ITPR2: variants seen among roughly 807,000 people sequenced by gnomAD.
ITPR2 encodes the protein inositol 1,4,5-trisphosphate-gated calcium channel ITPR2.
ITPR2 carries 207 observed loss-of-function variants against 317.1 expected under a neutral mutation model. The ratio of observed to expected loss-of-function variants is 0.65; its 90% CI spans 0.58 to 0.73. ITPR2 has a LOEUF of 0.73. ITPR2 is among the 30% of genes least tolerant of loss of function. The pLI is 0.00. For missense variants in ITPR2, 2,613 were observed against 3,284.0 expected (o/e 0.80, Z 4.99); for synonymous variants, 1,156 against 1,149.1 (o/e 1.01, Z -0.12).
At chr12:26,776,815 T>C (rs550764212) in intron 2 of ITPR2, among the ~76,000 whole-genome samples, 1 of 152,288 alleles carries the variant, frequency 6.6e-6, no homozygotes, top group African/African-American at 2.4e-5. Flanking sequence ...ATGTTGATTC[T>C]CCTCAGGAGC....
At chr12:26,801,592 T>A (rs756809841) in intron 1 of ITPR2, among the ~76,000 whole-genome samples, 3 of 152,136 alleles carry the variant, frequency 2.0e-5, no homozygotes, top group Non-Finnish European at 2.9e-5. Flanking sequence ...TTAAAATAGA[T>A]CCCTCTGGGT....
rs1283662394 is a variant in ITPR2, at chr12:26,554,656, G to A, written c.4964+1577C>T. 2.0e-5 allele frequency among the ~76,000 whole-genome samples: 3 copies of A among 152,248 alleles called. No homozygotes were observed. In the South Asian group the frequency reaches 6.2e-4, roughly 32 times the overall value. On this transcript the variant is annotated intron_variant, in intron 36 of 56. Coordinates refer to ENST00000381340, the MANE Select transcript of ITPR2 (RefSeq NM_002223.4). Reference sequence around the variant, plus strand: ...GTCACATCTCGGGGATATAGCTATTGTATTATGTTAATTTACTGAATTTAA... The same window carrying A: ...GTCACATCTCGGGGATATAGCTATTATATTATGTTAATTTACTGAATTTAA...
chr12:26,411,518 C>T, intron 51 of ITPR2, 106 bp from the exon 52 acceptor site: 2 of 717,982 alleles, frequency 2.8e-6, no homozygotes, highest in Non-Finnish European at 2.3e-6. Flanking sequence ...CATACTCCAA[C>T]TTAGCTGTGT....
At chr12:26,509,975 TGTGTG>T (rs1943289976) in intron 37 of ITPR2, among the ~76,000 whole-genome samples, 1 of 106,066 alleles carries the variant, frequency 9.4e-6, no homozygotes, top group African/African-American at 3.4e-5. Flanking sequence ...TGTGTGTGTG[TGTGTG>T]TGTGTGTGTG....
chr12:26,432,826 C>T (rs1244335462), intron 48 of ITPR2, among the ~76,000 whole-genome samples: 1 of 152,084 alleles, frequency 6.6e-6, no homozygotes, highest in Non-Finnish European at 1.5e-5. Context: ...CAAGTTGGAT[C>T]CTGGGTTTTC....
At chr12:26,416,265 A>G (rs1940717028) in intron 50 of ITPR2, among the ~76,000 whole-genome samples, 1 of 152,190 alleles carries the variant, frequency 6.6e-6, no homozygotes, top group Non-Finnish European at 1.5e-5. Flanking sequence ...CTGTGTAGAC[A>G]CTAAGGACAA....
chr12:26,699,455 G>C (rs958927958), intron 9 of ITPR2, among the ~76,000 whole-genome samples: 2 of 152,156 alleles, frequency 1.3e-5, no homozygotes, highest in African/African-American at 2.4e-5. Context: ...ATGAGAAAAA[G>C]ACTATGACTA....
intron 54 of ITPR2, among the ~76,000 whole-genome samples, chr12:26,398,265 A>G (rs1296609291): frequency 2.0e-5 from 3 of 152,130 alleles, no homozygotes; most frequent in Admixed American, 6.5e-5. Flanking sequence ...TCTACTGAAA[A>G]TACAAAAATT....
chr12:26,778,081 T>A (rs1950008753), intron 2 of ITPR2, among the ~76,000 whole-genome samples: 1 of 152,306 alleles, frequency 6.6e-6, no homozygotes, highest in African/African-American at 2.4e-5. Flanking sequence ...AGTCATCCTA[T>A]GGTCATTTTC....
chr12:26,572,402 T>A (rs996923749), intron 34 of ITPR2, among the ~76,000 whole-genome samples: 1 of 152,212 alleles, frequency 6.6e-6, no homozygotes, highest in African/African-American at 2.4e-5. Flanking sequence ...GGGCCTAGTT[T>A]GGCACGATGT....
intron 55 of ITPR2, among the ~76,000 whole-genome samples, chr12:26,386,607 G>A (rs1003274365): frequency 6.6e-6 from 1 of 150,802 alleles, no homozygotes; most frequent in Non-Finnish European, 1.5e-5. Flanking sequence ...TAGCAAGGAG[G>A]ATCATGAGTC....
At position 26,578,849 on chromosome 12, in the gene ITPR2, A is replaced by G; in HGVS notation, c.4510-16T>C. 1 of 1,593,834 alleles carries G rather than the reference A, an allele frequency of 6.3e-7. No homozygotes were observed. Among genetic ancestry groups the G allele is most frequent in the East Asian group, 2.2e-5 (1 of 44,578 alleles). On this transcript the variant is annotated splice_polypyrimidine_tract_variant and intron_variant, in intron 33 of 56. Transcript: ENST00000381340. ...GCTGATGTGTCTAAAACCAGAAAGAAGGTAGGCAAAAAGAGATGCTAAACC... is the reference window on the plus strand; with the variant it reads ...GCTGATGTGTCTAAAACCAGAAAGAGGGTAGGCAAAAAGAGATGCTAAACC...
At chr12:26,690,662 C>G (rs1487333770) in intron 10 of ITPR2, among the ~76,000 whole-genome samples, 2 of 152,142 alleles carry the variant, frequency 1.3e-5, no homozygotes, top group African/African-American at 4.8e-5. Flanking sequence ...GACCCAGGTT[C>G]CTACAGAATG....
chr12:26,427,258 T>C (rs1453348953), intron 49 of ITPR2, among the ~76,000 whole-genome samples: 1 of 152,164 alleles, frequency 6.6e-6, no homozygotes, highest in African/African-American at 2.4e-5. Flanking sequence ...CCTTTTAATA[T>C]CTCTGTATGG....
intron 2 of ITPR2, among the ~76,000 whole-genome samples, chr12:26,773,390 TG>T (rs1949905401): frequency 1.3e-5 from 2 of 152,174 alleles, no homozygotes; most frequent in Admixed American, 6.6e-5. Flanking sequence ...ATATACACCA[TG>T]GGAAGGAAGA....
intron 52 of ITPR2, among the ~76,000 whole-genome samples, chr12:26,410,249 G>A (rs552870966): frequency 6.6e-6 from 1 of 152,302 alleles, no homozygotes; most frequent in Admixed American, 6.5e-5. Context: ...CTTATTGTGA[G>A]CCTTGACTGG....
chr12:26,812,879 A>G (rs1950781197), intron 1 of ITPR2, among the ~76,000 whole-genome samples: 3 of 152,246 alleles, frequency 2.0e-5, no homozygotes, highest in African/African-American at 4.8e-5. Context: ...TCAAACATCT[A>G]TTTATTCAAT....
chr12:26,648,570 T>C (rs1947168187), intron 21 of ITPR2, among the ~76,000 whole-genome samples: 1 of 149,120 alleles, frequency 6.7e-6, no homozygotes, highest in African/African-American at 2.5e-5. Context: ...TAAAGTTTCA[T>C]TAAAAGAGAA....
chr12:26,404,854 C>T, intron 52 of ITPR2, among the ~76,000 whole-genome samples: 1 of 152,082 alleles, frequency 6.6e-6, no homozygotes, highest in South Asian at 2.1e-4. Flanking sequence ...AGGGAGAGGG[C>T]CAGGTGCGGT....
Sources: gnomAD v4.1 joint callset for allele counts (sites outside exome capture counted in the v4.1 genomes callset) on GRCh38, gnomAD v4.1.1 for gene constraint, MANE v1.5 for transcripts, NCBI Gene and HGNC (gene_info 2026-07-23, HGNC 2026-07-21) for gene names.